Variants in KALRN observed in about 807,000 individuals in gnomAD.
The protein encoded by KALRN is kalirin.
Under a neutral mutation model 353.7 loss-of-function variants are expected in KALRN, and 70 were observed. The ratio of observed to expected loss-of-function variants is 0.20; its 90% CI spans 0.16 to 0.24. The LOEUF (loss-of-function observed/expected upper bound fraction) is 0.24. Among genes scored for constraint, KALRN ranks in the 10% least tolerant of loss-of-function variants. The pLI is 1.00. For synonymous variants in KALRN, 1,391 were observed against 1,434.8 expected (o/e 0.97, Z 0.69); for missense variants, 2,791 against 3,756.7 (o/e 0.74, Z 6.72).
intron 1 of KALRN, among the ~76,000 whole-genome samples, chr3:124,045,751 G>GC (rs2040417109): frequency 6.8e-4 from 2 of 2,944 alleles, no homozygotes; most frequent in Admixed American, 6.9e-3. Flanking sequence ...CAGCCTAATG[G>GC]GGGGGGGGGG....
chr3:124,356,006 C>T (rs1000889707), intron 10 of KALRN, among the ~76,000 whole-genome samples: 19 of 152,200 alleles, frequency 1.2e-4, no homozygotes, highest in Non-Finnish European at 1.6e-4. Flanking sequence ...TGAGCCACCG[C>T]GCCCAGCCTC....
chr3:124,597,005 G>T (rs1281100538), intron 34 of KALRN, among the ~76,000 whole-genome samples: 1 of 152,008 alleles, frequency 6.6e-6, no homozygotes, highest in Non-Finnish European at 1.5e-5. Flanking sequence ...CCAAGTTTGT[G>T]CTATGGCACT....
chr3:124,252,994 T>A (rs2071398279), intron 3 of KALRN, among the ~76,000 whole-genome samples: 1 of 152,270 alleles, frequency 6.6e-6, no homozygotes, highest in African/African-American at 2.4e-5. Flanking sequence ...TTCTCTTTAC[T>A]ACTTCTGATT....
chr3:124,668,010 A>G (rs2085863583), intron 47 of KALRN, among the ~76,000 whole-genome samples: 1 of 151,056 alleles, frequency 6.6e-6, no homozygotes, highest in African/African-American at 2.4e-5. Context: ...AGTAAACCTG[A>G]AGACTCAGAA....
intron 33 of KALRN, among the ~76,000 whole-genome samples, chr3:124,557,702 A>G (rs2071441990): frequency 6.6e-6 from 1 of 152,212 alleles, no homozygotes; most frequent in African/African-American, 2.4e-5. Flanking sequence ...GAGGAATCAG[A>G]TGATCAGATG....
intron 1 of KALRN, among the ~76,000 whole-genome samples, chr3:124,072,406 T>G (rs1271028014): frequency 6.6e-6 from 1 of 152,212 alleles, no homozygotes; most frequent in Admixed American, 6.5e-5. Flanking sequence ...TTTTACCTGA[T>G]AAGTCAATCA....
chr3:124,607,077 C>A (rs553012233), intron 34 of KALRN, among the ~76,000 whole-genome samples: 1 of 152,268 alleles, frequency 6.6e-6, no homozygotes, highest in East Asian at 1.9e-4. Flanking sequence ...TTGTACTGTA[C>A]CCTAAAGAAG....
At chr3:124,462,778 A>T in intron 25 of KALRN, 145 bp downstream of exon 25, 1 of 575,908 alleles carries the variant, frequency 1.7e-6, no homozygotes, top group Non-Finnish European at 3.1e-6. Context: ...TTTTTTACTC[A>T]CTCCCCTTTC....
intron 43 of KALRN, 77 bp downstream of exon 43, chr3:124,659,534 G>A (rs1315269914): frequency 1.6e-5 from 16 of 987,774 alleles, no homozygotes; most frequent in Non-Finnish European, 9.8e-6. Flanking sequence ...TAGGGGTAGA[G>A]CTAGCGGTTC....
intron 9 of KALRN, among the ~76,000 whole-genome samples, chr3:124,343,537 A>T (rs971569996): frequency 6.6e-6 from 1 of 152,190 alleles, no homozygotes; most frequent in Non-Finnish European, 1.5e-5. Context: ...TCTTAGGATG[A>T]ACAATGGATT....
intron 1 of KALRN, among the ~76,000 whole-genome samples, chr3:124,083,227 G>C (rs1315708269): frequency 1.3e-5 from 2 of 152,206 alleles, no homozygotes; most frequent in Non-Finnish European, 2.9e-5. Context: ...AGTGACTTCT[G>C]TGTGCCAGGC....
At chr3:124,380,642 G>A (rs529727192) in intron 10 of KALRN, among the ~76,000 whole-genome samples, 1 of 152,338 alleles carries the variant, frequency 6.6e-6, no homozygotes, top group South Asian at 2.1e-4. Context: ...TATGTTCAGA[G>A]CAAGGTCAGA....
chr3:124,384,695 T>A, intron 10 of KALRN, 150 bp from the exon 11 acceptor site: 1 of 662,856 alleles, frequency 1.5e-6, no homozygotes, highest in South Asian at 2.7e-5. Flanking sequence ...AGAGGCGGCG[T>A]GCCAGCTCCG....
At chr3:124,394,093 A>G (rs2089849628) in intron 11 of KALRN, among the ~76,000 whole-genome samples, 1 of 152,224 alleles carries the variant, frequency 6.6e-6, no homozygotes, top group Non-Finnish European at 1.5e-5. Context: ...GCTTTCCCCA[A>G]CCTACTTTAC....
intron 1 of KALRN, among the ~76,000 whole-genome samples, chr3:124,177,055 A>C (rs1013502982): frequency 3.3e-5 from 5 of 152,204 alleles, no homozygotes; most frequent in Non-Finnish European, 2.9e-5. Context: ...CACACTAAGA[A>C]GACTAAGAGA....
chr3:124,552,915 G>A (rs567488527), intron 33 of KALRN, among the ~76,000 whole-genome samples: 1 of 152,182 alleles, frequency 6.6e-6, no homozygotes, highest in South Asian at 2.1e-4. Context: ...GCAGGCGCCC[G>A]CCACCATGCC....
At chr3:124,539,923 G>T (rs199640169) in intron 33 of KALRN, among the ~76,000 whole-genome samples, 5,198 of 64,020 alleles carry the variant, frequency 0.081, 113 homozygotes, top group East Asian at 0.15. Flanking sequence ...AATTTTTTTT[G>T]GGGGGGGGGA....
chr3:124,233,145 G>A (rs528360436), intron 2 of KALRN, among the ~76,000 whole-genome samples: 20 of 152,190 alleles, frequency 1.3e-4, no homozygotes, highest in Non-Finnish European at 2.6e-4. Flanking sequence ...GTGGTTCCTT[G>A]TGGTTCCAAG....
intron 28 of KALRN, among the ~76,000 whole-genome samples, chr3:124,487,032 T>TCA (rs1161750770): frequency 6.6e-6 from 1 of 152,160 alleles, no homozygotes; most frequent in Non-Finnish European, 1.5e-5. Context: ...CATTAACGTG[T>TCA]TTACAAGATT....
Sources: allele counts gnomAD v4.1 joint callset (sites outside exome capture counted in the v4.1 genomes callset), GRCh38; gene constraint gnomAD v4.1.1; transcripts MANE v1.5; gene names NCBI Gene and HGNC (gene_info 2026-07-23, HGNC 2026-07-21).